The following DKK3 variants were observed in gnomAD, a reference collection of about 807,000 sequenced individuals.
The protein encoded by DKK3 is dickkopf-related protein 3.
Under a neutral mutation model 33.2 loss-of-function variants are expected in DKK3, and 22 were observed. That is an observed-to-expected ratio of 0.66 (90% CI 0.47 to 0.95). The LOEUF is 0.95. Among genes scored for constraint, DKK3 ranks in the 40% least tolerant of loss-of-function variants. DKK3 has a pLI of 0.00. For missense variants in DKK3, 398 were observed against 458.4 expected, an observed-to-expected ratio of 0.87 and a Z score of 1.20; for synonymous variants, 194 against 188.8, an observed-to-expected ratio of 1.03 and a Z score of -0.23.
chr11:12,005,375 G>A (rs1848517133), intron 1 of DKK3, among the ~76,000 whole-genome samples: 1 of 152,232 alleles, frequency 6.6e-6, no homozygotes, highest in Non-Finnish European at 1.5e-5. Context: ...GAGGAGGAAT[G>A]TGAATGCTAT....
intron 3 of DKK3, among the ~76,000 whole-genome samples, chr11:11,981,147 A>C (rs79688072): frequency 6.3e-4 from 96 of 152,328 alleles, no homozygotes; most frequent in Non-Finnish European, 1.2e-3. Context: ...TGGAGGAAGT[A>C]ATGCTGCATA....
intron 1 of DKK3, among the ~76,000 whole-genome samples, chr11:12,005,517 T>C (rs6485369): frequency 0.51 from 77,552 of 152,080 alleles, 21,309 homozygotes; most frequent in African/African-American, 0.73. Flanking sequence ...TGGTAGCATA[T>C]AGAATAGTAA....
Position 11,963,756 on chromosome 11 carries a change from C to G in DKK3, c.*708G>C, listed in dbSNP as rs1847514046. The G allele has an allele frequency of 6.6e-6, 1 of 152,474 alleles. No homozygotes were observed. The highest frequency in any genetic ancestry group is 1.5e-5 in the Non-Finnish European group (1 of 68,098). 9.4% of individuals were successfully genotyped at this position (152,474 alleles called of 1,614,324 possible). Reference sequence around the variant, plus strand: ...TTAGAGTCACAACCAGATGAAACTGCTCTGGTCTTCACTAGCTGTGTGACT... The same window carrying G: ...TTAGAGTCACAACCAGATGAAACTGGTCTGGTCTTCACTAGCTGTGTGACT... On this transcript the variant is annotated 3_prime_UTR_variant, in exon 7 of 7. Coordinates refer to ENST00000683431, the MANE Select transcript of DKK3 (RefSeq NM_001018057.2).
At chr11:12,009,177 C>G (rs920129564), upstream of DKK3, 7 of 985,284 alleles carry the variant, frequency 7.1e-6, no homozygotes, top group Admixed American at 6.1e-5. Flanking sequence ...CCCACCCCGA[C>G]TGGACCGAGT....
intron 3 of DKK3, among the ~76,000 whole-genome samples, chr11:11,994,284 A>G (rs1036726421): frequency 5.3e-5 from 8 of 151,954 alleles, no homozygotes; most frequent in South Asian, 2.1e-4. Context: ...GCCACACTAG[A>G]TTCTCACTCA....
At chr11:11,976,952 G>C (rs1207657571) in intron 3 of DKK3, among the ~76,000 whole-genome samples, 1 of 152,168 alleles carries the variant, frequency 6.6e-6, no homozygotes, top group Non-Finnish European at 1.5e-5. Context: ...AGCCAGCTCA[G>C]GGGGTGGGGG....
chr11:11,964,943 G>T (rs1413115719), intron 6 of DKK3, among the ~76,000 whole-genome samples: 2 of 152,140 alleles, frequency 1.3e-5, no homozygotes, highest in Non-Finnish European at 2.9e-5. Context: ...TGACTCTCAG[G>T]CCCCGCAGCC....
chr11:11,976,630 G>A (rs1847839502), intron 3 of DKK3, among the ~76,000 whole-genome samples: 1 of 152,220 alleles, frequency 6.6e-6, no homozygotes, highest in African/African-American at 2.4e-5. Flanking sequence ...AGGTGGCAGT[G>A]TGAGGCAGGA....
intron 4 of DKK3, 37 bp downstream of exon 4, chr11:11,968,358 C>G (rs762459870): frequency 6.3e-7 from 1 of 1,581,824 alleles, no homozygotes; most frequent in South Asian, 1.1e-5. Flanking sequence ...TGCCTGAGAC[C>G]CTGGTGCCAC....
At chr11:11,979,703 G>A (rs1179741065) in intron 3 of DKK3, 1 of 152,400 alleles carries the variant, frequency 6.6e-6, no homozygotes, top group Admixed American at 6.5e-5. Flanking sequence ...TATGCACAAT[G>A]TGGCAGCAAG....
At chr11:11,971,607 C>G (rs755110341) in intron 3 of DKK3, among the ~76,000 whole-genome samples, 10 of 152,196 alleles carry the variant, frequency 6.6e-5, no homozygotes, top group Non-Finnish European at 1.5e-5. Flanking sequence ...CCCGAAAGGC[C>G]TTCGTAGACT....
chr11:11,986,594 A>T (rs1037685346), intron 3 of DKK3, among the ~76,000 whole-genome samples: 3 of 152,144 alleles, frequency 2.0e-5, no homozygotes, highest in Non-Finnish European at 4.4e-5. Flanking sequence ...GATGTTAATG[A>T]CACAAGCTGT....
intron 2 of DKK3, chr11:12,001,911 G>A (rs1428724092): frequency 1.3e-5 from 2 of 157,854 alleles, no homozygotes; most frequent in Non-Finnish European, 2.8e-5. Context: ...CCATAACGTG[G>A]TCTCTAGTTC....
At chr11:11,968,371 C>G in intron 4 of DKK3, 24 bp downstream of exon 4, 13 of 1,601,110 alleles carry the variant, frequency 8.1e-6, no homozygotes, top group Non-Finnish European at 1.1e-5. Flanking sequence ...GGTGCCACAG[C>G]CCCAGAGGCC....
chr11:12,005,076 C>T lies in DKK3; in HGVS notation c.214-2639G>A, dbSNP rs1848511080. ...GACTGAAGGTGCTGGAGAGGACCCA[C>T]CCAGAAGAAGAGAATGTTTTAGTGT... On this transcript the variant is annotated intron_variant, in intron 1 of 6. Coordinates refer to ENST00000683431, the MANE Select transcript of DKK3 (RefSeq NM_001018057.2). Among the ~76,000 whole-genome samples, 3 of 152,292 alleles carry T rather than the reference C, an allele frequency of 2.0e-5. No homozygotes were observed. In the South Asian group the frequency reaches 6.2e-4, roughly 32 times the overall value.
At chr11:11,981,646 A>G (rs1303403229) in intron 3 of DKK3, among the ~76,000 whole-genome samples, 1 of 152,128 alleles carries the variant, frequency 6.6e-6, no homozygotes, top group Non-Finnish European at 1.5e-5. Flanking sequence ...AGCAAGGCTA[A>G]CCAGAAGCAT....
rs368396242 is a variant in DKK3, at chr11:12,005,459, C to A, written c.213+2911G>T. On this transcript the variant is annotated intron_variant, in intron 1 of 6. Coordinates refer to ENST00000683431, the MANE Select transcript of DKK3 (RefSeq NM_001018057.2). ...AAAATGAGTGAGTTACAGAGCTGGCCATGAGGGGAAGAGAAACAGAGTGGT... is the reference window on the plus strand; with the variant it reads ...AAAATGAGTGAGTTACAGAGCTGGCAATGAGGGGAAGAGAAACAGAGTGGT... Among the ~76,000 whole-genome samples the A allele has an allele frequency of 3.3e-5, 5 of 152,248 alleles. No individual in the cohort carries two copies. The East Asian group carries it at 5.8e-4, about 18-fold the overall frequency.
chr11:11,968,401 C>T lies in DKK3; in HGVS notation c.522G>A (p.Gln174=). 1 of 1,612,616 alleles carries T rather than the reference C, an allele frequency of 6.2e-7. No individual in the cohort carries two copies. The highest frequency in any genetic ancestry group is 1.3e-5 in the African/African-American group (1 of 75,006). ...FQYTCQPCRG[Q]RMLCTRDSEC... Reference sequence around the variant, plus strand: ...GAGGCCCTGGCATACTCACCATCCTCTGGCCCCGGCATGGCTGGCAGGTGT... The same window carrying T: ...GAGGCCCTGGCATACTCACCATCCTTTGGCCCCGGCATGGCTGGCAGGTGT... Residue 174 remains glutamine (Q), a synonymous_variant, in exon 4 of 7, where the codon CAG becomes CAA. Coordinates refer to ENST00000683431, the MANE Select transcript of DKK3 (RefSeq NM_001018057.2).
At chr11:11,976,179 G>T (rs907400373) in intron 3 of DKK3, among the ~76,000 whole-genome samples, 1 of 152,162 alleles carries the variant, frequency 6.6e-6, no homozygotes, top group Admixed American at 6.5e-5. Context: ...AGAACATCAG[G>T]CTTGAGCCAG....
Sources: gnomAD v4.1 joint callset for allele counts (sites outside exome capture counted in the v4.1 genomes callset) on GRCh38, gnomAD v4.1.1 for gene constraint, MANE v1.5 for transcripts, NCBI Gene and HGNC (gene_info 2026-07-23, HGNC 2026-07-21) for gene names.